The following IGF1R variants were observed in gnomAD, a reference collection of about 807,000 sequenced individuals.
The protein encoded by IGF1R is insulin-like growth factor 1 receptor.
In IGF1R, 44 loss-of-function variants were observed where a neutral mutation model predicts 144.6. That is an observed-to-expected ratio of 0.30 (90% CI 0.24 to 0.39). The LOEUF (loss-of-function observed/expected upper bound fraction) is 0.39, where lower values mean the gene tolerates loss of function less well. IGF1R is among the 10% of genes least tolerant of loss of function. IGF1R has a pLI of 1.00. For missense variants in IGF1R, 1,355 were observed against 1,833.7 expected (o/e 0.74, Z 4.77); for synonymous variants, 795 against 722.8 (o/e 1.10, Z -1.60).
intron 1 of IGF1R, among the ~76,000 whole-genome samples, chr15:98,652,190 A>G (rs2052385707): frequency 6.6e-6 from 1 of 152,238 alleles, no homozygotes; most frequent in Non-Finnish European, 1.5e-5. Flanking sequence ...TATCACCATA[A>G]TGTGAACAGA....
chr15:98,930,570 T>C (rs913752839), intron 15 of IGF1R, among the ~76,000 whole-genome samples: 1 of 152,242 alleles, frequency 6.6e-6, no homozygotes, highest in African/African-American at 2.4e-5. Flanking sequence ...GCCAGCGCAG[T>C]AATCAATTTA....
At chr15:98,673,825 C>T (rs1774038849) in intron 1 of IGF1R, among the ~76,000 whole-genome samples, 1 of 152,190 alleles carries the variant, frequency 6.6e-6, no homozygotes, top group Admixed American at 6.5e-5. Context: ...AGGTCTGTGC[C>T]AGGCGCTGTA....
At chr15:98,856,454 T>A (rs2011823586) in intron 2 of IGF1R, among the ~76,000 whole-genome samples, 1 of 152,226 alleles carries the variant, frequency 6.6e-6, no homozygotes, top group East Asian at 1.9e-4. Flanking sequence ...TGCAATAGCA[T>A]ATGTAAAACA....
At chr15:98,781,003 T>C (rs564833882) in intron 2 of IGF1R, among the ~76,000 whole-genome samples, 2 of 152,300 alleles carry the variant, frequency 1.3e-5, no homozygotes, top group South Asian at 4.1e-4. Flanking sequence ...ACAATTGTCA[T>C]GTCCACTTCT....
chr15:98,866,493 A>G (rs2012455577), intron 2 of IGF1R, among the ~76,000 whole-genome samples: 1 of 152,276 alleles, frequency 6.6e-6, no homozygotes, highest in African/African-American at 2.4e-5. Flanking sequence ...CTTAAAAATC[A>G]GAAACAGACT....
chr15:98,696,843 G>T lies in IGF1R; in HGVS notation c.95-10719G>T, dbSNP rs181892411. 4.2e-3 allele frequency among the ~76,000 whole-genome samples: 644 copies of T among 152,294 alleles called. 1 individual carries two copies. Among genetic ancestry groups the T allele is most frequent in the Non-Finnish European group, 8.0e-3 (546 of 68,022 alleles). On this transcript the variant is annotated intron_variant, in intron 1 of 20. Coordinates refer to ENST00000650285, the MANE Select transcript of IGF1R (RefSeq NM_000875.5). ...TGGGATTGGCCTTCATGGGGCTGCT[G>T]TCTGGCTGGGCTGGTGGGCAGAGGT...
intron 7 of IGF1R, among the ~76,000 whole-genome samples, chr15:98,912,136 G>A (rs555401818): frequency 4.0e-5 from 6 of 148,900 alleles, no homozygotes; most frequent in South Asian, 2.3e-4. Context: ...TGGCTACCCC[G>A]GTCTACTTAG....
intron 7 of IGF1R, 129 bp downstream of exon 7, chr15:98,911,570 A>G (rs760445028): frequency 5.8e-6 from 7 of 1,196,750 alleles, no homozygotes; most frequent in Non-Finnish European, 8.6e-6. Flanking sequence ...AGCCACGCCA[A>G]ACATCCCTAC....
In IGF1R at chr15:98,922,339, T is replaced by A; in HGVS notation, c.2393T>A (p.Leu798Ter). 6.2e-7 allele frequency: 1 copy of A among 1,614,182 alleles called. No individual in the cohort carries two copies. The highest frequency in any genetic ancestry group is 8.5e-7 in the Non-Finnish European group (1 of 1,180,018). ...TVISNLRPFTLYRIDIHSCNH... is the reference protein window; with the variant it reads ...TVISNLRPFT Reference sequence around the variant, plus strand: ...ATTTCTAACCTTCGGCCTTTCACATTGTACCGCATCGATATCCACAGCTGC... The same window carrying A: ...ATTTCTAACCTTCGGCCTTTCACATAGTACCGCATCGATATCCACAGCTGC... The change falls in exon 11 of 21, where the codon TTG becomes TAG. Residue 798 changes from leucine (L) to a stop codon, truncating the protein, a stop_gained. Transcript: ENST00000650285. LOFTEE classifies it high-confidence loss of function.
intron 2 of IGF1R, among the ~76,000 whole-genome samples, chr15:98,711,156 G>A (rs965944931): frequency 1.3e-5 from 2 of 152,126 alleles, no homozygotes; most frequent in Admixed American, 6.5e-5. Flanking sequence ...GAACCCTTAG[G>A]AATCATTTGG....
chr15:98,656,774 CGTTT>C (rs554008905), intron 1 of IGF1R, among the ~76,000 whole-genome samples: 347 of 152,238 alleles, frequency 2.3e-3, no homozygotes, highest in Non-Finnish European at 3.8e-3. Context: ...ATACGAATGC[CGTTT>C]GTTCAGAATT....
At chr15:98,878,750 T>C (rs62023611) in intron 2 of IGF1R, among the ~76,000 whole-genome samples, 47,369 of 148,204 alleles carry the variant, frequency 0.32, 8,691 homozygotes, top group East Asian at 0.79. Flanking sequence ...CCCAGCACCT[T>C]GGGAGGCCAA....
chr15:98,686,056 A>C (rs2053320353), intron 1 of IGF1R, among the ~76,000 whole-genome samples: 1 of 152,140 alleles, frequency 6.6e-6, no homozygotes, highest in Non-Finnish European at 1.5e-5. Context: ...TTTTTCCCCA[A>C]GTCTTTGGCA....
At chr15:98,739,726 G>A (rs1335023082) in intron 2 of IGF1R, among the ~76,000 whole-genome samples, 2 of 152,124 alleles carry the variant, frequency 1.3e-5, no homozygotes, top group African/African-American at 4.8e-5. Flanking sequence ...CGAGTAGCTG[G>A]AACTGCAGGT....
chr15:98,819,925 G>A (rs2056770731), intron 2 of IGF1R, among the ~76,000 whole-genome samples: 1 of 152,078 alleles, frequency 6.6e-6, no homozygotes, highest in African/African-American at 2.4e-5. Flanking sequence ...CACAGCTTCT[G>A]GAAACTTCCA....
Position 98,957,503 on chromosome 15 carries a change from G to T in IGF1R, c.*61G>T. The T allele has an allele frequency of 6.2e-7, 1 of 1,604,226 alleles. No homozygotes were observed. The highest frequency in any genetic ancestry group is 8.5e-7 in the Non-Finnish European group (1 of 1,174,390). On this transcript the variant is annotated 3_prime_UTR_variant, in exon 21 of 21. Coordinates refer to ENST00000650285, the MANE Select transcript of IGF1R (RefSeq NM_000875.5). The stretch of plus-strand genomic sequence containing the variant: ...TGCGCACGCGCAGCGGGGTGGGGGG[G>T]GAGAGAGAGTTTTAACAATCCATTC...
Position 98,939,408 on chromosome 15 carries a change from T to C in IGF1R, c.3457+48T>C. On this transcript the variant is annotated intron_variant, in intron 18 of 20. Transcript: ENST00000650285. ...CTGGGCAAGAACTAAACTCAGGTGT[T>C]TTGAGGACTTTGTTGGCATTAGTCT... The C allele has an allele frequency of 1.9e-6, 3 of 1,593,712 alleles. No homozygotes were observed. The African/African-American group carries it at 4.0e-5, about 21-fold the overall frequency.
intron 18 of IGF1R, among the ~76,000 whole-genome samples, chr15:98,942,390 G>A (rs766388470): frequency 2.0e-5 from 3 of 152,142 alleles, no homozygotes; most frequent in Non-Finnish European, 4.4e-5. Context: ...CTGGAGTGCA[G>A]TGTTGTGATC....
intron 1 of IGF1R, among the ~76,000 whole-genome samples, chr15:98,656,967 A>G (rs529259679): frequency 1.3e-5 from 2 of 152,370 alleles, no homozygotes; most frequent in South Asian, 4.1e-4. Context: ...ATTACTCTTG[A>G]CATGGGAGAA....
Sources: allele counts gnomAD v4.1 joint callset (sites outside exome capture counted in the v4.1 genomes callset), GRCh38; gene constraint gnomAD v4.1.1; transcripts MANE v1.5; gene names NCBI Gene and HGNC (gene_info 2026-07-23, HGNC 2026-07-21).